DAB2IP: variants seen among roughly 807,000 people sequenced by gnomAD.
DAB2IP encodes DAB2 interacting protein.
DAB2IP carries 28 observed loss-of-function variants against 107.2 expected under a neutral mutation model. The observed-to-expected ratio is 0.26, with a 90% CI of 0.19 to 0.36. The LOEUF is 0.36. Ranked by LOEUF, DAB2IP falls within the 10% of genes least tolerant of loss-of-function variation. The pLI is 1.00. For synonymous variants in DAB2IP, 755 were observed against 706.4 expected (o/e 1.07, Z -1.09); for missense variants, 1,400 against 1,644.7 (o/e 0.85, Z 2.57).
At chr9:121,727,182 C>T (rs1831280248) in intron 3 of DAB2IP, among the ~76,000 whole-genome samples, 1 of 152,202 alleles carries the variant, frequency 6.6e-6, no homozygotes, top group African/African-American at 2.4e-5. Context: ...CTCCATTCCC[C>T]ATCTGGAGAT....
At position 121,772,484 on chromosome 9, in the gene DAB2IP, A is replaced by AGCGCTGGGGAGATGGAT; in HGVS notation, c.2079-116_2079-115insGGAGATGGATGCGCTGG. The AGCGCTGGGGAGATGGAT allele has an allele frequency of 3.8e-6, 4 of 1,059,368 alleles. No individual in the cohort carries two copies. Among genetic ancestry groups the AGCGCTGGGGAGATGGAT allele is most frequent in the Non-Finnish European group, 5.6e-6 (4 of 720,502 alleles). The allele number at this position is 1,059,368 out of a possible 1,614,324, so 65.6% of individuals were successfully genotyped here. ...GCCACCCCAGCGCATCCATCTCCCC[A>AGCGCTGGGGAGATGGAT]GCGCTGGCTCAGGCTGCCAGGCCCC... is the stretch of plus-strand genomic sequence containing the variant. On this transcript the variant is annotated intron_variant, in intron 11 of 15. Transcript: ENST00000408936. This position sits in a 1 kb window ranked among gnomAD's most constrained non-coding sequence, Gnocchi z 4.7.
chr9:121,659,016 T>C (rs1468955408), intron 1 of DAB2IP, among the ~76,000 whole-genome samples: 1 of 152,210 alleles, frequency 6.6e-6, no homozygotes. Context: ...GCTATTTCTT[T>C]TTCCTTGGCC....
chr9:121,648,291 A>G (rs1044352347), upstream of DAB2IP, among the ~76,000 whole-genome samples: 4 of 152,210 alleles, frequency 2.6e-5, no homozygotes, highest in Admixed American at 6.5e-5. Flanking sequence ...AACTGAGGGG[A>G]TGCTTGAGCT....
At chr9:121,775,440 C>T (rs1216766152) in intron 13 of DAB2IP, among the ~76,000 whole-genome samples, 2 of 152,342 alleles carry the variant, frequency 1.3e-5, no homozygotes, top group African/African-American at 4.8e-5. Context: ...CAGAGTTTGG[C>T]TGGGGAGTGA....
intron 14 of DAB2IP, among the ~76,000 whole-genome samples, chr9:121,780,592 GC>G (rs961682217): frequency 6.6e-6 from 1 of 152,196 alleles, no homozygotes; most frequent in African/African-American, 2.4e-5. Flanking sequence ...TGAGGCCAAA[GC>G]CCTGTGGACC....
intron 1 of DAB2IP, among the ~76,000 whole-genome samples, chr9:121,582,530 A>G (rs1830222488): frequency 6.6e-6 from 1 of 151,518 alleles, no homozygotes; most frequent in African/African-American, 2.4e-5. Flanking sequence ...CCTGCTGCAG[A>G]CCTCCACTGG....
intron 3 of DAB2IP, among the ~76,000 whole-genome samples, chr9:121,743,273 C>T (rs74917530): frequency 1.3e-5 from 2 of 152,322 alleles, no homozygotes; most frequent in African/African-American, 2.4e-5. Flanking sequence ...GGGCTGCTAT[C>T]TCATCTCTTA....
At chr9:121,724,308 C>T (rs1352347709) in intron 3 of DAB2IP, among the ~76,000 whole-genome samples, 3 of 151,986 alleles carry the variant, frequency 2.0e-5, no homozygotes, top group East Asian at 1.9e-4. Flanking sequence ...CCCTGCCCCA[C>T]GAGTGCTCCA....
chr9:121,643,829 C>T (rs1041365317), intron 1 of DAB2IP, among the ~76,000 whole-genome samples: 2 of 152,222 alleles, frequency 1.3e-5, no homozygotes, highest in African/African-American at 4.8e-5. Context: ...CTGTACTGAT[C>T]AGCTCTGGAC....
chr9:121,625,937 G>A (rs975313888), intron 1 of DAB2IP, among the ~76,000 whole-genome samples: 1 of 152,158 alleles, frequency 6.6e-6, no homozygotes, highest in Non-Finnish European at 1.5e-5. Flanking sequence ...CATTTAGCCT[G>A]CCTGGCCAAG....
chr9:121,639,980 G>A (rs1217918760), intron 1 of DAB2IP, among the ~76,000 whole-genome samples: 1 of 152,164 alleles, frequency 6.6e-6, no homozygotes, highest in Non-Finnish European at 1.5e-5. Context: ...CCAGGGGACT[G>A]GAATGTCTCG....
chr9:121,725,268 C>CT (rs1831173958), intron 3 of DAB2IP, among the ~76,000 whole-genome samples: 1 of 152,200 alleles, frequency 6.6e-6, no homozygotes. Flanking sequence ...TCCTGTGATT[C>CT]TCGACACAGC....
In DAB2IP at chr9:121,588,210, A is replaced by G. The variant is rs527550160; in HGVS notation, c.40+20982A>G. Among the ~76,000 whole-genome samples, 25 of 152,098 alleles carry G rather than the reference A, an allele frequency of 1.6e-4. 1 individual carries two copies. In the South Asian group the frequency reaches 5.2e-3, roughly 32 times the overall value. ...AAAGGTCAAGACCGTGAGTCCTTCC[A>G]TTTCCTGACCTCCTCCCCACCCCAA... is the stretch of plus-strand genomic sequence containing the variant. On this transcript the variant is annotated intron_variant, in intron 1 of 16. Transcript: ENST00000259371.
At chr9:121,638,942 G>C (rs1005659843) in intron 1 of DAB2IP, among the ~76,000 whole-genome samples, 1 of 152,164 alleles carries the variant, frequency 6.6e-6, no homozygotes, top group Non-Finnish European at 1.5e-5. Context: ...AGACACAAAG[G>C]AAAGAAGCAG....
intron 2 of DAB2IP, among the ~76,000 whole-genome samples, chr9:121,683,200 C>T (rs967143604): frequency 7.2e-5 from 11 of 152,182 alleles, no homozygotes; most frequent in African/African-American, 2.7e-4. Flanking sequence ...GGCCCTGGAC[C>T]CCTTAGCAGC....
Position 121,666,911 on chromosome 9 carries a change from CACACA to C in DAB2IP, c.125-11762_125-11758del, listed in dbSNP as rs1318965277. Among the ~76,000 whole-genome samples the C allele has an allele frequency of 6.5e-3, 878 of 134,146 alleles. 12 individuals carry two copies. The highest frequency in any genetic ancestry group is 0.022 in the African/African-American group (830 of 37,496). 88.0% of individuals were successfully genotyped at this position (134,146 alleles called of 152,430 possible). On this transcript the variant is annotated intron_variant, in intron 1 of 15. Transcript: ENST00000408936. ...ACACACACACACACACACACACACA[CACACA>C]ACACTCTTAAATAGACGTACACAGA... is the stretch of plus-strand genomic sequence containing the variant.
intron 1 of DAB2IP, among the ~76,000 whole-genome samples, chr9:121,609,090 T>A (rs1830992210): frequency 6.6e-6 from 1 of 152,206 alleles, no homozygotes; most frequent in South Asian, 2.1e-4. Flanking sequence ...TACAGGTGTG[T>A]GCCATCACGG....
chr9:121,666,913 CACAA>C (rs752107596), intron 1 of DAB2IP, among the ~76,000 whole-genome samples: 1,441 of 134,696 alleles, frequency 0.011, 12 homozygotes, highest in East Asian at 0.019. Context: ...CACACACACA[CACAA>C]CACTCTTAAA....
At chr9:121,583,541 G>A (rs993236459) in intron 1 of DAB2IP, among the ~76,000 whole-genome samples, 1 of 152,080 alleles carries the variant, frequency 6.6e-6, no homozygotes, top group African/African-American at 2.4e-5. Context: ...TTTCTCTGTG[G>A]TGAGACCCCT....
Sources: gnomAD v4.1 joint callset for allele counts (sites outside exome capture counted in the v4.1 genomes callset) on GRCh38, gnomAD v4.1.1 for gene constraint, Gnocchi (gnomAD v3.1) non-coding constraint, MANE v1.5 for transcripts, NCBI Gene and HGNC (gene_info 2026-07-23, HGNC 2026-07-21) for gene names.